ADCY3: variants seen among roughly 807,000 people sequenced by gnomAD.
The protein encoded by ADCY3 is adenylate cyclase type 3.
In ADCY3, 70 loss-of-function variants were observed where a neutral mutation model predicts 119.4. The observed-to-expected ratio is 0.59, with a 90% confidence interval of 0.48 to 0.72. The LOEUF (loss-of-function observed/expected upper bound fraction) is 0.72, where lower values mean the gene tolerates loss of function less well. ADCY3 is among the 30% of genes least tolerant of loss of function. ADCY3 has a pLI of 0.00. For missense variants in ADCY3, 1,238 were observed against 1,541.6 expected, an observed-to-expected ratio of 0.80 and a Z score of 3.30; for synonymous variants, 672 against 621.4, an observed-to-expected ratio of 1.08 and a Z score of -1.21.
chr2:24,840,672 G>A (rs765693396), intron 6 of ADCY3: 17 of 382,844 alleles, frequency 4.4e-5, no homozygotes, highest in Admixed American at 3.2e-4. Flanking sequence ...GTCCCGCAGA[G>A]GCTGGAAGTC....
intron 3 of ADCY3, among the ~76,000 whole-genome samples, chr2:24,857,583 G>A (rs894014797): frequency 6.6e-6 from 1 of 152,186 alleles, no homozygotes; most frequent in African/African-American, 2.4e-5. Context: ...TATGACAAGT[G>A]GCTACCATAC....
At chr2:24,902,379 C>G (rs1251332761) in intron 2 of ADCY3, among the ~76,000 whole-genome samples, 1 of 152,110 alleles carries the variant, frequency 6.6e-6, no homozygotes, top group Non-Finnish European at 1.5e-5. Flanking sequence ...CCTTGCCCAG[C>G]CTTAGGTGTA....
chr2:24,824,976 G>A (rs1668375352), intron 16 of ADCY3, among the ~76,000 whole-genome samples: 1 of 152,216 alleles, frequency 6.6e-6, no homozygotes, highest in Non-Finnish European at 1.5e-5. Flanking sequence ...AGGGAAGTAA[G>A]ACCCTGCAAA....
chr2:24,840,562 G>T (rs1235643224), intron 6 of ADCY3: 3 of 468,400 alleles, frequency 6.4e-6, no homozygotes, highest in African/African-American at 2.0e-5. Context: ...CCCCCTCGGA[G>T]AAGGGGGTAA....
intron 3 of ADCY3, among the ~76,000 whole-genome samples, chr2:24,843,216 G>A (rs1671255446): frequency 6.6e-6 from 1 of 152,164 alleles, no homozygotes; most frequent in African/African-American, 2.4e-5. Context: ...CGTGGCCTGT[G>A]GGCCCAATCT....
chr2:24,865,260 C>T (rs960017177), intron 3 of ADCY3, among the ~76,000 whole-genome samples: 6 of 152,010 alleles, frequency 3.9e-5, no homozygotes, highest in Non-Finnish European at 5.9e-5. Flanking sequence ...GCCTGGCCAA[C>T]GTGGTGAAAC....
chr2:24,840,862 C>T (rs544174421), intron 6 of ADCY3, among the ~76,000 whole-genome samples: 2 of 152,298 alleles, frequency 1.3e-5, no homozygotes, highest in African/African-American at 4.8e-5. Context: ...CACTGCATCA[C>T]GAGATGGAGA....
At chr2:24,835,021 A>G in intron 9 of ADCY3, 85 bp from the exon 10 acceptor site, 2 of 1,505,660 alleles carry the variant, frequency 1.3e-6, no homozygotes, top group Non-Finnish European at 1.8e-6. Flanking sequence ...GGAGGAGGAA[A>G]GGAACAAAAG....
At chr2:24,894,565 C>G (rs1454923360) in intron 2 of ADCY3, among the ~76,000 whole-genome samples, 1 of 152,126 alleles carries the variant, frequency 6.6e-6, no homozygotes, top group Non-Finnish European at 1.5e-5. Context: ...CTATTTTTGT[C>G]ATACATTTTG....
Position 24,842,145 on chromosome 2 carries a change from C to G in ADCY3, c.956+109G>C. On this transcript the variant is annotated intron_variant, in intron 4 of 21. Coordinates refer to ENST00000679454, the MANE Select transcript of ADCY3 (RefSeq NM_004036.5). The surrounding 1 kb of genome is among the most constrained non-coding windows in gnomAD (Gnocchi z 4.9). ...ATGAATGCTGTGGGAGGCCTTGCTT[C>G]TAGTCCCTGGAAAACCTCTTGAAGC... 4 of 1,505,260 alleles carry G rather than the reference C, an allele frequency of 2.7e-6. No individual in the cohort carries two copies. The highest frequency in any genetic ancestry group is 1.2e-5 in the South Asian group (1 of 82,004). 93.2% of individuals were successfully genotyped at this position (1,505,260 alleles called of 1,614,324 possible).
intron 2 of ADCY3, among the ~76,000 whole-genome samples, chr2:24,881,572 G>A (rs1676408032): frequency 6.6e-6 from 1 of 152,234 alleles, no homozygotes; most frequent in African/African-American, 2.4e-5. Context: ...CTCCCAAGAG[G>A]ATGCAGTAAG....
At position 24,856,837 on chromosome 2, in the gene ADCY3, C is replaced by A. The variant is rs557236550; in HGVS notation, c.826-14453G>T. The stretch of plus-strand genomic sequence containing the variant: ...TTGGATGGGTGGGGCAATGGTCACA[C>A]GTGGGAGAGACTGGTCTCCCAGGGC... On this transcript the variant is annotated intron_variant, in intron 3 of 21. Coordinates refer to ENST00000679454, the MANE Select transcript of ADCY3 (RefSeq NM_004036.5). Among the ~76,000 whole-genome samples the A allele has an allele frequency of 2.3e-4, 35 of 152,306 alleles. No homozygotes were observed. The East Asian group carries it at 6.4e-3, about 28-fold the overall frequency.
At chr2:24,843,946 G>T (rs1471514032) in intron 3 of ADCY3, among the ~76,000 whole-genome samples, 2 of 152,344 alleles carry the variant, frequency 1.3e-5, no homozygotes, top group East Asian at 3.9e-4. Flanking sequence ...GGTGATGATG[G>T]CGTCTGGTGA....
chr2:24,875,855 G>A (rs1385980313), intron 2 of ADCY3, among the ~76,000 whole-genome samples: 1 of 152,228 alleles, frequency 6.6e-6, no homozygotes, highest in Non-Finnish European at 1.5e-5. Context: ...GTTAAAACTA[G>A]AGGGTGAGAT....
intron 2 of ADCY3, among the ~76,000 whole-genome samples, chr2:24,901,662 T>C (rs755879703): frequency 1.2e-4 from 18 of 151,336 alleles, no homozygotes; most frequent in Non-Finnish European, 2.1e-4. Flanking sequence ...AAGAAGGCCA[T>C]AGGAGGGGGT....
rs186559813 is a variant in ADCY3 at position 24,874,105 on chromosome 2, A to G, written c.676-1386T>C. On this transcript the variant is annotated intron_variant, in intron 2 of 21. Transcript: ENST00000679454. ...TATTCCCTGAACTGTGTTGTGTTTC[A>G]TCAGAGCTGATCAACACTTGCCCTG... Among the ~76,000 whole-genome samples, 4 of 152,274 alleles carry G rather than the reference A, an allele frequency of 2.6e-5. No homozygotes were observed. In the East Asian group the frequency reaches 7.7e-4, roughly 29 times the overall value.
intron 7 of ADCY3, 81 bp downstream of exon 7, chr2:24,839,792 C>T: frequency 1.3e-6 from 2 of 1,591,670 alleles, no homozygotes; most frequent in Non-Finnish European, 1.7e-6. Context: ...CCCTGTCCCT[C>T]ATCAGGGTCA....
intron 2 of ADCY3, among the ~76,000 whole-genome samples, chr2:24,882,783 A>G (rs1037085604): frequency 2.6e-5 from 4 of 152,174 alleles, no homozygotes; most frequent in Non-Finnish European, 5.9e-5. Flanking sequence ...GTGGCCGGGC[A>G]CCGTGGCTCA....
At chr2:24,875,264 G>A (rs530788677) in intron 2 of ADCY3, among the ~76,000 whole-genome samples, 15 of 152,326 alleles carry the variant, frequency 9.8e-5, no homozygotes, top group Non-Finnish European at 1.5e-4. Context: ...CCCCTGGGGC[G>A]CTGCCCCCTG....
Sources: gnomAD v4.1 joint callset for allele counts (sites outside exome capture counted in the v4.1 genomes callset) on GRCh38, gnomAD v4.1.1 for gene constraint, Gnocchi (gnomAD v3.1) non-coding constraint, MANE v1.5 for transcripts, NCBI Gene and HGNC (gene_info 2026-07-23, HGNC 2026-07-21) for gene names.